Variants in ARHGEF18 observed in about 807,000 individuals in gnomAD.
The protein encoded by ARHGEF18 is Rho/Rac guanine nucleotide exchange factor 18, also known as rho guanine nucleotide exchange factor 18.
ARHGEF18 carries 93 observed loss-of-function variants against 155.7 expected under a neutral mutation model. That is an observed-to-expected ratio of 0.60 (90% CI 0.50 to 0.71). The LOEUF (loss-of-function observed/expected upper bound fraction) is 0.71, where lower values mean the gene tolerates loss of function less well. ARHGEF18 is among the 30% of genes least tolerant of loss of function. ARHGEF18 has a pLI of 0.00. For synonymous variants in ARHGEF18, 742 were observed against 753.1 expected, an observed-to-expected ratio of 0.99 and a Z score of 0.24; for missense variants, 1,593 against 1,816.1, an observed-to-expected ratio of 0.88 and a Z score of 2.23.
chr19:7,427,762 A>G (rs1973744285), intron 10 of ARHGEF18, among the ~76,000 whole-genome samples: 1 of 152,000 alleles, frequency 6.6e-6, no homozygotes, highest in South Asian at 2.1e-4. Flanking sequence ...CCTGAGAAAC[A>G]TGGTGAAACC....
At chr19:7,414,399 A>G (rs868449053) in intron 10 of ARHGEF18, among the ~76,000 whole-genome samples, 19 of 152,300 alleles carry the variant, frequency 1.2e-4, no homozygotes, top group Middle Eastern at 3.4e-3. Context: ...TTTGAGGGCC[A>G]GGCGCGGTGG....
chr19:7,461,785 T>C (rs897530628), intron 20 of ARHGEF18, among the ~76,000 whole-genome samples: 1 of 152,142 alleles, frequency 6.6e-6, no homozygotes, highest in African/African-American at 2.4e-5. Flanking sequence ...GCGATCCTCC[T>C]GCCTCATTTC....
At position 7,362,002 on chromosome 19, in the gene ARHGEF18, A is replaced by AAGG. The variant is rs1291768881; in HGVS notation, c.-110-777_-110-776insGAG. Among the ~76,000 whole-genome samples the AAGG allele has an allele frequency of 2.2e-4, 11 of 50,364 alleles. 1 individual carries two copies. Among genetic ancestry groups the AAGG allele is most frequent in the African/African-American group, 9.7e-4 (9 of 9,240 alleles). 33.0% of individuals were successfully genotyped at this position (50,364 alleles called of 152,430 possible). A position where few individuals can be genotyped will look rare whatever the true frequency, so the allele number is the denominator to read the frequency against. On this transcript the variant is annotated intron_variant, in intron 1 of 28. Coordinates refer to ENST00000668164, the MANE Select transcript of ARHGEF18 (RefSeq NM_001367823.1). ...GAGCAAGACTCTGTGGAAGAAGAAG[A>AAGG]AGAAGAAGAAGAAGGAGAAGGAGAA...
At chr19:7,370,632 T>C (rs1016241966) in intron 2 of ARHGEF18, among the ~76,000 whole-genome samples, 17 of 152,200 alleles carry the variant, frequency 1.1e-4, no homozygotes, top group Admixed American at 6.5e-4. Context: ...CTGATGTTGA[T>C]AGCAGCGTTA....
At position 7,456,307 on chromosome 19, in the gene ARHGEF18, C is replaced by T. The variant is rs1343652298; in HGVS notation, c.2105-20C>T. On this transcript the variant is annotated intron_variant, in intron 17 of 28. Coordinates refer to ENST00000668164, the MANE Select transcript of ARHGEF18 (RefSeq NM_001367823.1). ...GGCTATGGGACTTTTAAGATGCATC[C>T]TTCCATGCTGTTTTCCCAGATATCC... 3 of 1,613,240 alleles carry T rather than the reference C, an allele frequency of 1.9e-6. No homozygotes were observed. Among genetic ancestry groups the T allele is most frequent in the Admixed American group, 3.3e-5 (2 of 59,992 alleles).
rs564010870 is a variant in ARHGEF18, at chr19:7,457,806, C to G, written c.2182-706C>G. Among the ~76,000 whole-genome samples, 138 of 152,202 alleles carry G rather than the reference C, an allele frequency of 9.1e-4. 1 individual carries two copies. Among genetic ancestry groups the G allele is most frequent in the Non-Finnish European group, 1.6e-3 (112 of 68,008 alleles). On this transcript the variant is annotated intron_variant, in intron 18 of 28. Transcript: ENST00000668164. ...TGTGCATTTTGCTGGTCTGTGGAAG[C>G]ATTGTCTCTTGAAGGATGCGTGACA... is the stretch of plus-strand genomic sequence containing the variant.
At chr19:7,435,189 G>A (rs1974189470) in intron 10 of ARHGEF18, among the ~76,000 whole-genome samples, 1 of 151,408 alleles carries the variant, frequency 6.6e-6, no homozygotes, top group Non-Finnish European at 1.5e-5. Flanking sequence ...GACAGAGCGA[G>A]ACTCCATCTC....
chr19:7,367,183 T>C (rs956348802), intron 2 of ARHGEF18, among the ~76,000 whole-genome samples: 1 of 152,214 alleles, frequency 6.6e-6, no homozygotes, highest in Non-Finnish European at 1.5e-5. Context: ...ATGCCCATTT[T>C]AGAGATGGAA....
chr19:7,407,855 G>A (rs141153905), intron 10 of ARHGEF18, among the ~76,000 whole-genome samples: 3,466 of 151,428 alleles, frequency 0.023, 140 homozygotes, highest in African/African-American at 0.077. Context: ...CCAGCTACTC[G>A]GGAGGCTGAG....
rs772177440 is a variant in ARHGEF18, at chr19:7,440,506, C to T, written c.1106+24C>T. 4 of 1,576,844 alleles carry T rather than the reference C, an allele frequency of 2.5e-6. No individual in the cohort carries two copies. The highest frequency in any genetic ancestry group is 3.4e-6 in the Non-Finnish European group (4 of 1,166,330). ...GGGTAAGCCAGGGTCCCCTCTGTGC[C>T]CTCGGGTGGGTGGTGGCATTCCCCG... On this transcript the variant is annotated intron_variant, in intron 11 of 28. Coordinates refer to ENST00000668164, the MANE Select transcript of ARHGEF18 (RefSeq NM_001367823.1). The surrounding 1 kb of genome is among the most constrained non-coding windows in gnomAD (Gnocchi z 5.4).
intron 15 of ARHGEF18, among the ~76,000 whole-genome samples, chr19:7,448,593 G>A (rs111836512): frequency 2.3e-4 from 35 of 152,070 alleles, no homozygotes; most frequent in African/African-American, 6.8e-4. Flanking sequence ...CCCGGGAGGC[G>A]GAGCGTGCAG....
intron 2 of ARHGEF18, among the ~76,000 whole-genome samples, chr19:7,363,278 GA>G (rs1482626854): frequency 5.3e-5 from 8 of 152,136 alleles, no homozygotes; most frequent in African/African-American, 1.9e-4. Flanking sequence ...ATGAATGGAT[GA>G]CGGATGACTA....
At chr19:7,362,349 G>A (rs888685358) in intron 1 of ARHGEF18, among the ~76,000 whole-genome samples, 2 of 140,790 alleles carry the variant, frequency 1.4e-5, no homozygotes, top group African/African-American at 3.2e-5. Flanking sequence ...AGGAAGAGGA[G>A]GAGGAGGAAA....
intron 10 of ARHGEF18, among the ~76,000 whole-genome samples, chr19:7,401,352 C>T (rs1019897721): frequency 6.6e-6 from 1 of 152,238 alleles, no homozygotes; most frequent in South Asian, 2.1e-4. Context: ...GTGTCACAAT[C>T]ATAGCCCACT....
At chr19:7,472,664 T>C (rs1977094451), downstream of ARHGEF18, among the ~76,000 whole-genome samples, 1 of 152,072 alleles carries the variant, frequency 6.6e-6, no homozygotes, top group Non-Finnish European at 1.5e-5. Context: ...CCAGGAGTTG[T>C]TGGGGGTTTT....
chr19:7,424,234 C>G (rs570616641), intron 10 of ARHGEF18, among the ~76,000 whole-genome samples: 1 of 152,170 alleles, frequency 6.6e-6, no homozygotes, highest in South Asian at 2.1e-4. Context: ...CCATGTTGGT[C>G]AGGCTGGTCT....
chr19:7,443,055 A>ATTTTTTTT (rs10600280), intron 13 of ARHGEF18, among the ~76,000 whole-genome samples: 1 of 81,184 alleles, frequency 1.2e-5, no homozygotes, highest in Admixed American at 1.4e-4. Context: ...TGCCCAGCTA[A>ATTTTTTTT]TTTTTTTTTT....
chr19:7,431,986 A>G lies in ARHGEF18; in HGVS notation c.968-8358A>G, dbSNP rs1459288549. Among the ~76,000 whole-genome samples, 9 of 152,150 alleles carry G rather than the reference A, an allele frequency of 5.9e-5. No individual in the cohort carries two copies. In the South Asian group the frequency reaches 1.2e-3, roughly 21 times the overall value. On this transcript the variant is annotated intron_variant, in intron 10 of 28. Coordinates refer to ENST00000668164, the MANE Select transcript of ARHGEF18 (RefSeq NM_001367823.1). ...TTGTTTTTTGTTTTTGGATAGTACCAGGTTTGGGAAGAATATTCTGAGTCA... is the reference window on the plus strand; with the variant it reads ...TTGTTTTTTGTTTTTGGATAGTACCGGGTTTGGGAAGAATATTCTGAGTCA...
downstream of ARHGEF18, chr19:7,472,909 C>T (rs534390503): frequency 2.9e-5 from 13 of 448,028 alleles, no homozygotes; most frequent in African/African-American, 6.0e-5. Context: ...GCCATGTTGG[C>T]GAGGCTGGTC....
Sources: allele counts gnomAD v4.1 joint callset (sites outside exome capture counted in the v4.1 genomes callset), GRCh38; gene constraint gnomAD v4.1.1; non-coding constraint Gnocchi (gnomAD v3.1); transcripts MANE v1.5; gene names NCBI Gene and HGNC (gene_info 2026-07-23, HGNC 2026-07-21).